The following SLC25A53 variants were observed in gnomAD, a reference collection of about 807,000 sequenced individuals.
SLC25A53 encodes the protein solute carrier family 25 member 53, also known as mitochondrial carrier triple repeat protein 6.
A neutral mutation model predicts 15.0 loss-of-function variants in SLC25A53; 5 were observed. The observed-to-expected ratio is 0.33, with a 90% CI of 0.17 to 0.70. The LOEUF is 0.70. Ranked by LOEUF, SLC25A53 falls within the 30% of genes least tolerant of loss-of-function variation. The probability of loss-of-function intolerance (pLI) is 0.67; values close to 1 mark genes in which losing one functional copy is unlikely to be tolerated. For missense variants in SLC25A53, 216 were observed against 241.6 expected (o/e 0.89, Z 0.70); for synonymous variants, 95 against 100.0 (o/e 0.95, Z 0.30).
Position 104,104,258 on chromosome X carries a change from G to A in SLC25A53, c.*76C>T. 9.9e-7 allele frequency: 1 copy of A among 1,012,460 alleles called. No individual in the cohort carries two copies. The highest frequency in any genetic ancestry group is 2.2e-5 in the South Asian group (1 of 44,681). 83.4% of individuals were successfully genotyped at this position (1,012,460 alleles called of 1,213,427 possible). On this transcript the variant is annotated 3_prime_UTR_variant, in exon 2 of 2. Transcript: ENST00000594199. ...AAGGATGGCTGTATTAGGCAACCTA[G>A]CCAAAGAAGTAAGCTATATAGAACC...
At chrX:104,149,426 G>C (rs1437441449) in intron 1 of SLC25A53, among the ~76,000 whole-genome samples, 5 of 112,614 alleles carry the variant, frequency 4.4e-5, no homozygotes, top group Non-Finnish European at 1.9e-5. Flanking sequence ...TAATCCTTTA[G>C]GAGTTTTCAT....
rs782371255 is a variant in SLC25A53 at position 104,114,284 on chromosome X, A to C, written c.-31-8996T>G. The C allele has an allele frequency of 5.0e-6, 6 of 1,208,927 alleles. No individual in the cohort carries two copies. Among genetic ancestry groups the C allele is most frequent in the Non-Finnish European group, 5.6e-6 (5 of 894,848 alleles). On this transcript the variant is annotated intron_variant, in intron 1 of 1. Coordinates refer to ENST00000594199, the MANE Select transcript of SLC25A53 (RefSeq NM_001012755.5). ...GGAAGAGTGGTGCCAGCCCAGGGGA[A>C]AGAAACCTTTGAAAACTGGCTGATC... is the stretch of plus-strand genomic sequence containing the variant.
At chrX:104,135,707 C>G (rs782389938) in intron 1 of SLC25A53, among the ~76,000 whole-genome samples, 2 of 111,171 alleles carry the variant, frequency 1.8e-5, no homozygotes, top group East Asian at 5.7e-4. Flanking sequence ...CTCATCATGT[C>G]ACTGCCCTGC....
intron 1 of SLC25A53, among the ~76,000 whole-genome samples, chrX:104,124,924 C>T (rs1402162806): frequency 1.0e-5 from 1 of 97,697 alleles, no homozygotes; most frequent in African/African-American, 3.8e-5. Flanking sequence ...CTCACTGCAA[C>T]CCCCATCTCC....
intron 1 of SLC25A53, among the ~76,000 whole-genome samples, chrX:104,110,464 G>A (rs1344646959): frequency 8.9e-6 from 1 of 111,838 alleles, no homozygotes; most frequent in African/African-American, 3.3e-5. Context: ...AGATCTTGGG[G>A]TTGTAAATAA....
intron 1 of SLC25A53, among the ~76,000 whole-genome samples, chrX:104,124,839 CTT>C (rs34662574): frequency 8.4e-4 from 52 of 62,272 alleles, no homozygotes; most frequent in African/African-American, 1.6e-3. Context: ...AACTTTTTTC[CTT>C]TTTTTTTTTT....
At position 104,102,063 on chromosome X, in the gene SLC25A53, C is replaced by T. The variant is rs1404784929; in HGVS notation, c.*2271G>A. The T allele has an allele frequency of 3.6e-5, 4 of 111,662 alleles. No individual in the cohort carries two copies. Among genetic ancestry groups the T allele is most frequent in the South Asian group, 3.8e-4 (1 of 2,648 alleles). The allele number at this position is 111,662 out of a possible 1,213,427, so 9.2% of individuals were successfully genotyped here. A position where few individuals can be genotyped will look rare whatever the true frequency, so the allele number is the denominator to read the frequency against. ...AGTTGAGTACTGTCCCAACACATCC[C>T]GATCTGCAGATGTGGAAGCTCATCT... On this transcript the variant is annotated 3_prime_UTR_variant, in exon 2 of 2. Coordinates refer to ENST00000594199, the MANE Select transcript of SLC25A53 (RefSeq NM_001012755.5).
chrX:104,156,205 T>C (rs1484228372), intron 1 of SLC25A53, among the ~76,000 whole-genome samples: 2 of 111,527 alleles, frequency 1.8e-5, no homozygotes, highest in Admixed American at 1.9e-4. Context: ...GCTTATTTTG[T>C]CTTCAAAATA....
chrX:104,119,529 T>C (rs1241735906), intron 1 of SLC25A53, among the ~76,000 whole-genome samples: 1 of 110,976 alleles, frequency 9.0e-6, no homozygotes, highest in Non-Finnish European at 1.9e-5. Flanking sequence ...TAACAGCAAA[T>C]CTGTATTGTG....
chrX:104,126,716 A>C (rs1310431836), intron 1 of SLC25A53, among the ~76,000 whole-genome samples: 27 of 112,287 alleles, frequency 2.4e-4, no homozygotes, highest in African/African-American at 8.8e-4. Flanking sequence ...ATTTCACCAA[A>C]AAGAATACGC....
At position 104,126,591 on chromosome X, in the gene SLC25A53, C is replaced by T. The variant is rs148667594; in HGVS notation, c.-31-21303G>A. On this transcript the variant is annotated intron_variant, in intron 1 of 1. Transcript: ENST00000594199. ...ATTACTTGAGTCCACATCAAAGCTT[C>T]AGTGAGACATGATTGTGCCACTGCA... Among the ~76,000 whole-genome samples the T allele has an allele frequency of 3.4e-3, 383 of 111,157 alleles. 4 individuals are homozygous for T. Among genetic ancestry groups the T allele is most frequent in the East Asian group, 0.024 (84 of 3,537 alleles).
At chrX:104,125,300 C>T (rs1556364036) in intron 1 of SLC25A53, among the ~76,000 whole-genome samples, 1 of 111,353 alleles carries the variant, frequency 9.0e-6, no homozygotes, top group African/African-American at 3.3e-5. Flanking sequence ...ATAGCAGGTA[C>T]GTGGTTCTGA....
intron 1 of SLC25A53, among the ~76,000 whole-genome samples, chrX:104,139,536 C>G (rs965092261): frequency 9.0e-5 from 10 of 111,191 alleles, no homozygotes; most frequent in Non-Finnish European, 1.7e-4. Context: ...TAAAGATAGG[C>G]TGGGTGCAGT....
At chrX:104,114,879 C>T (rs781926168) in intron 1 of SLC25A53, 16 of 1,206,288 alleles carry the variant, frequency 1.3e-5, no homozygotes, top group Non-Finnish European at 1.7e-5. Flanking sequence ...CAATAGCAAT[C>T]AGCAGTGCTG....
In SLC25A53 at chrX:104,100,082, T is replaced by G. The variant is rs1416347730; in HGVS notation, c.*4252A>C. On this transcript the variant is annotated 3_prime_UTR_variant, in exon 2 of 2. Coordinates refer to ENST00000594199, the MANE Select transcript of SLC25A53 (RefSeq NM_001012755.5). The stretch of plus-strand genomic sequence containing the variant: ...TTTTCTCTCATATGCAACGTCATTT[T>G]ATTAACTTTAATATACTACACTATA... The G allele has an allele frequency of 8.9e-6, 1 of 112,151 alleles. No individual in the cohort carries two copies. The highest frequency in any genetic ancestry group is 1.9e-5 in the Non-Finnish European group (1 of 53,242). The allele number at this position is 112,151 out of a possible 1,213,427, so 9.2% of individuals were successfully genotyped here. A position where few individuals can be genotyped will look rare whatever the true frequency, so the allele number is the denominator to read the frequency against.
At chrX:104,106,645 C>T (rs2075311950) in intron 1 of SLC25A53, among the ~76,000 whole-genome samples, 1 of 111,205 alleles carries the variant, frequency 9.0e-6, no homozygotes, top group Non-Finnish European at 1.9e-5. Flanking sequence ...AGCTGAGGTC[C>T]CCAGGGAGGA....
intron 1 of SLC25A53, among the ~76,000 whole-genome samples, chrX:104,127,920 C>T (rs953375317): frequency 1.7e-4 from 19 of 110,668 alleles, no homozygotes; most frequent in Non-Finnish European, 2.6e-4. Flanking sequence ...GCTGAGATCA[C>T]GCCACTGCAC....
intron 1 of SLC25A53, chrX:104,115,320 G>A (rs1556361056): frequency 2.6e-6 from 3 of 1,159,995 alleles, no homozygotes; most frequent in South Asian, 4.0e-5. Context: ...CTGAGCCACA[G>A]TAAGGATCTA....
chrX:104,121,766 C>G (rs2075393216), intron 1 of SLC25A53, among the ~76,000 whole-genome samples: 1 of 105,025 alleles, frequency 9.5e-6, no homozygotes, highest in Non-Finnish European at 1.9e-5. Flanking sequence ...TCCCCATGTA[C>G]TCATCATTCA....
Sources: allele counts gnomAD v4.1 joint callset (sites outside exome capture counted in the v4.1 genomes callset), GRCh38; gene constraint gnomAD v4.1.1; transcripts MANE v1.5; gene names NCBI Gene and HGNC (gene_info 2026-07-23, HGNC 2026-07-21).